TPD52L1: variants seen among roughly 807,000 people sequenced by gnomAD.
TPD52L1 encodes the protein TPD52 like 1.
TPD52L1 carries 18 observed loss-of-function variants against 28.7 expected under a neutral mutation model. The ratio of observed to expected loss-of-function variants is 0.63; its 90% CI spans 0.43 to 0.93. The LOEUF is 0.93. TPD52L1 is among the 40% of genes least tolerant of loss of function. The pLI, the probability that TPD52L1 is intolerant of heterozygous loss-of-function variation, is 0.00. For synonymous variants in TPD52L1, 75 were observed against 88.8 expected, an observed-to-expected ratio of 0.84 and a Z score of 0.88; for missense variants, 203 against 254.8, an observed-to-expected ratio of 0.80 and a Z score of 1.39.
chr6:125,242,772 AT>A (rs1796690613), intron 3 of TPD52L1, among the ~76,000 whole-genome samples: 1 of 152,172 alleles, frequency 6.6e-6, no homozygotes, highest in Non-Finnish European at 1.5e-5. Context: ...TAAGTGGAGC[AT>A]TTAGGCCATT....
At chr6:125,219,869 T>C (rs1795115214) in intron 1 of TPD52L1, 1 of 583,458 alleles carries the variant, frequency 1.7e-6, no homozygotes, top group Admixed American at 2.7e-5. Context: ...TCATTTTCTC[T>C]TAATTTTTTT....
intron 1 of TPD52L1, among the ~76,000 whole-genome samples, chr6:125,156,463 C>CCAAAAAAAAA (rs1790129974): frequency 2.7e-5 from 1 of 37,220 alleles, no homozygotes; most frequent in African/African-American, 9.6e-5. Flanking sequence ...GACCTTGTCT[C>CCAAAAAAAAA]AAAAAAAAAA....
chr6:125,212,297 T>G (rs956577438), intron 1 of TPD52L1, among the ~76,000 whole-genome samples: 8 of 152,252 alleles, frequency 5.3e-5, no homozygotes, highest in African/African-American at 1.9e-4. Context: ...CTCCCTTTGC[T>G]TGGTTACACA....
intron 1 of TPD52L1, among the ~76,000 whole-genome samples, chr6:125,156,787 A>C (rs1790168389): frequency 6.6e-6 from 1 of 152,190 alleles, no homozygotes; most frequent in South Asian, 2.1e-4. Context: ...ATAAACAAAA[A>C]GAGAATAACA....
At chr6:125,173,073 A>C (rs887181265) in intron 1 of TPD52L1, among the ~76,000 whole-genome samples, 1 of 152,146 alleles carries the variant, frequency 6.6e-6, no homozygotes. Flanking sequence ...TTTATCGATC[A>C]ATATTGCAAT....
At chr6:125,154,099 C>A in intron 1 of TPD52L1, 129 bp downstream of exon 1, 1 of 1,428,082 alleles carries the variant, frequency 7.0e-7, no homozygotes. Flanking sequence ...AACTCCACTC[C>A]CACCCGCGCC....
At chr6:125,218,171 A>C (rs1294691195) in intron 1 of TPD52L1, among the ~76,000 whole-genome samples, 2 of 152,190 alleles carry the variant, frequency 1.3e-5, no homozygotes, top group South Asian at 2.1e-4. Flanking sequence ...GACCATGCTA[A>C]ATCATTTTCC....
At chr6:125,238,843 T>C (rs561596095) in intron 3 of TPD52L1, among the ~76,000 whole-genome samples, 4 of 152,346 alleles carry the variant, frequency 2.6e-5, no homozygotes, top group African/African-American at 7.2e-5. Flanking sequence ...ACCACAGTTA[T>C]ATTTTATATC....
chr6:125,205,380 C>T (rs969497312), intron 1 of TPD52L1, among the ~76,000 whole-genome samples: 4 of 152,194 alleles, frequency 2.6e-5, no homozygotes, highest in Admixed American at 6.5e-5. Context: ...GCCACTCCCA[C>T]GCTTCTGAGC....
chr6:125,164,718 T>G (rs1790762807), intron 1 of TPD52L1, among the ~76,000 whole-genome samples: 1 of 152,146 alleles, frequency 6.6e-6, no homozygotes, highest in Non-Finnish European at 1.5e-5. Flanking sequence ...GAATAACTAC[T>G]TTAAGAAAAT....
At chr6:125,177,210 T>A (rs1007288753) in intron 1 of TPD52L1, among the ~76,000 whole-genome samples, 26 of 152,296 alleles carry the variant, frequency 1.7e-4, no homozygotes, top group African/African-American at 5.8e-4. Flanking sequence ...TTTCTCAGAT[T>A]TCTAATCTTC....
intron 1 of TPD52L1, among the ~76,000 whole-genome samples, chr6:125,159,513 C>A (rs77628834): frequency 0.017 from 2,659 of 152,270 alleles, 85 homozygotes; most frequent in African/African-American, 0.061. Flanking sequence ...CAAACTCATT[C>A]AGGAGGGTTG....
chr6:125,239,628 G>A (rs187475086), intron 3 of TPD52L1, among the ~76,000 whole-genome samples: 79 of 152,286 alleles, frequency 5.2e-4, no homozygotes, highest in African/African-American at 1.9e-3. Context: ...TGAGATTTGG[G>A]TGGGGACCCA....
chr6:125,238,609 G>C (rs1796424207), intron 3 of TPD52L1, among the ~76,000 whole-genome samples: 1 of 151,976 alleles, frequency 6.6e-6, no homozygotes, highest in African/African-American at 2.4e-5. Context: ...TACAATGTTT[G>C]GTTTTCCATT....
At chr6:125,217,115 C>T (rs536894110) in intron 1 of TPD52L1, among the ~76,000 whole-genome samples, 4 of 152,050 alleles carry the variant, frequency 2.6e-5, no homozygotes, top group African/African-American at 7.2e-5. Context: ...AAGTCAGTGT[C>T]CAGAAATGGA....
In TPD52L1 at chr6:125,220,751, A is replaced by G. The variant is rs1489822894; in HGVS notation, c.135+558A>G. Among the ~76,000 whole-genome samples the G allele has an allele frequency of 2.0e-5, 3 of 152,176 alleles. No individual in the cohort carries two copies. In the South Asian group the frequency reaches 6.2e-4, roughly 32 times the overall value. On this transcript the variant is annotated intron_variant, in intron 2 of 6. Transcript: ENST00000534000. The stretch of plus-strand genomic sequence containing the variant: ...TAGATCTTGTGGAGCTGCTGTGGGG[A>G]TCCGGACCTAGGGAGGAGGAGGATG...
chr6:125,160,087 T>C (rs1019913234), intron 1 of TPD52L1, among the ~76,000 whole-genome samples: 1 of 152,182 alleles, frequency 6.6e-6, no homozygotes, highest in African/African-American at 2.4e-5. Context: ...TCCCCAGCCA[T>C]GCGGAACTGT....
At chr6:125,159,185 T>C (rs1790347117) in intron 1 of TPD52L1, among the ~76,000 whole-genome samples, 1 of 152,254 alleles carries the variant, frequency 6.6e-6, no homozygotes, top group Non-Finnish European at 1.5e-5. Context: ...TTTGGTAGCA[T>C]TTTGTCTGCG....
At chr6:125,254,290 A>G (rs992438312) in intron 5 of TPD52L1, among the ~76,000 whole-genome samples, 6 of 152,218 alleles carry the variant, frequency 3.9e-5, no homozygotes, top group South Asian at 2.1e-4. Context: ...AACTGGTGAG[A>G]AAGACATTCT....
Sources: allele counts gnomAD v4.1 joint callset (sites outside exome capture counted in the v4.1 genomes callset), GRCh38; gene constraint gnomAD v4.1.1; transcripts MANE v1.5; gene names NCBI Gene and HGNC (gene_info 2026-07-23, HGNC 2026-07-21).